Variants in NDUFAF5 observed in about 807,000 individuals in gnomAD.
NDUFAF5 encodes arginine-hydroxylase NDUFAF5, mitochondrial.
Under a neutral mutation model 48.9 loss-of-function variants are expected in NDUFAF5, and 34 were observed. The observed-to-expected ratio is 0.70, with a 90% CI of 0.53 to 0.93. NDUFAF5 has a LOEUF of 0.93. Among genes scored for constraint, NDUFAF5 ranks in the 40% least tolerant of loss-of-function variants. The pLI, the probability that NDUFAF5 is intolerant of heterozygous loss-of-function variation, is 0.00. For synonymous variants in NDUFAF5, 153 were observed against 150.6 expected, an observed-to-expected ratio of 1.02 and a Z score of -0.12; for missense variants, 428 against 427.5, an observed-to-expected ratio of 1.00 and a Z score of -0.01.
intron 5 of NDUFAF5, among the ~76,000 whole-genome samples, chr20:13,795,825 A>G (rs1983117090): frequency 6.6e-6 from 1 of 152,126 alleles, no homozygotes; most frequent in Admixed American, 6.5e-5. Context: ...TCTCAAAATA[A>G]TAATAATTCT....
intron 3 of NDUFAF5, among the ~76,000 whole-genome samples, chr20:13,789,918 A>C (rs923712757): frequency 6.6e-6 from 1 of 152,200 alleles, no homozygotes; most frequent in African/African-American, 2.4e-5. Context: ...ATTAAAGTGC[A>C]ACAGGAATTA....
At chr20:13,785,412 T>G in intron 1 of NDUFAF5, 122 bp downstream of exon 1, 1 of 801,632 alleles carries the variant, frequency 1.2e-6, no homozygotes. Context: ...CCAGCAGCCC[T>G]GCCTCTTTCG....
At chr20:13,812,977 TCTCA>T (rs1986052972) in intron 8 of NDUFAF5, 1 of 152,234 alleles carries the variant, frequency 6.6e-6, no homozygotes. Context: ...TCAGATGGAG[TCTCA>T]CTCTGTCGCC....
intron 7 of NDUFAF5, among the ~76,000 whole-genome samples, chr20:13,802,595 G>A (rs1237900954): frequency 1.3e-5 from 2 of 151,398 alleles, no homozygotes; most frequent in Non-Finnish European, 1.5e-5. Flanking sequence ...GCTTGAACCC[G>A]GGAGGCGGAG....
intron 1 of NDUFAF5, among the ~76,000 whole-genome samples, chr20:13,785,622 T>G (rs1366624687): frequency 2.0e-5 from 3 of 151,892 alleles, no homozygotes; most frequent in African/African-American, 7.3e-5. Context: ...GGACTTGGGG[T>G]TTTCTTCTGT....
Position 13,819,790 on chromosome 20 carries a change from C to G in NDUFAF5, c.*2580C>G, listed in dbSNP as rs1455922111. On this transcript the variant is annotated 3_prime_UTR_variant, in exon 11 of 11. Coordinates refer to ENST00000378106, the MANE Select transcript of NDUFAF5 (RefSeq NM_024120.5). ...TGTGTCTTTTCCAGCACTTTTCTTA[C>G]TTGCTGTCAGTTGTCAATCTCAACA... 1 of 152,240 alleles carries G rather than the reference C, an allele frequency of 6.6e-6. No homozygotes were observed. Among genetic ancestry groups the G allele is most frequent in the East Asian group, 1.9e-4 (1 of 5,198 alleles). 9.4% of individuals were successfully genotyped at this position (152,240 alleles called of 1,614,324 possible). A position where few individuals can be genotyped will look rare whatever the true frequency, so the allele number is the denominator to read the frequency against.
In NDUFAF5 at chr20:13,820,899, T is replaced by C. The variant is rs553003504; in HGVS notation, c.*3689T>C. 4 of 152,322 alleles carry C rather than the reference T, an allele frequency of 2.6e-5. No homozygotes were observed. The highest frequency in any genetic ancestry group is 9.6e-5 in the African/African-American group (4 of 41,580). 9.4% of individuals were successfully genotyped at this position (152,322 alleles called of 1,614,324 possible). A position where few individuals can be genotyped will look rare whatever the true frequency, so the allele number is the denominator to read the frequency against. ...TAGCCTCTCTTGCTTAAGAAATATT[T>C]TGAGCTTTTTTGGGGAGGGGTTGTG... On this transcript the variant is annotated 3_prime_UTR_variant, in exon 11 of 11. Coordinates refer to ENST00000378106, the MANE Select transcript of NDUFAF5 (RefSeq NM_024120.5).
Position 13,785,190 on chromosome 20 carries a change from C to T in NDUFAF5, c.122C>T (p.Pro41Leu), listed in dbSNP as rs369539700. The T allele has an allele frequency of 6.2e-6, 10 of 1,613,834 alleles. No individual in the cohort carries two copies. The highest frequency in any genetic ancestry group is 1.3e-5 in the African/African-American group (1 of 75,046). ...SGVSPRGSTS[P>L]RTLNIFDRDL... is the part of the protein sequence containing the mutation. Reference sequence around the variant, plus strand: ...GTCTCTCCCCGCGGTAGCACCTCGCCCAGAACCCTGAATATTTTCGACCGG... The same window carrying T: ...GTCTCTCCCCGCGGTAGCACCTCGCTCAGAACCCTGAATATTTTCGACCGG... The change falls in exon 1 of 11, where the codon CCC becomes CTC. Residue 41 changes from proline to leucine, a missense_variant. Coordinates refer to ENST00000378106, the MANE Select transcript of NDUFAF5 (RefSeq NM_024120.5).
Position 13,791,532 on chromosome 20 carries a change from T to G in NDUFAF5, c.328-1648T>G, listed in dbSNP as rs186650335. 7.2e-5 allele frequency among the ~76,000 whole-genome samples: 11 copies of G among 152,212 alleles called. No homozygotes were observed. In the East Asian group the frequency reaches 2.1e-3, roughly 29 times the overall value. On this transcript the variant is annotated intron_variant, in intron 3 of 10. Transcript: ENST00000378106. Reference sequence around the variant, plus strand: ...GAACCTTCTGCAATTGTACTTAGGGTTGGGAGAAAGAGGAAGAGCCAATAA... The same window carrying G: ...GAACCTTCTGCAATTGTACTTAGGGGTGGGAGAAAGAGGAAGAGCCAATAA...
At chr20:13,787,160 T>C in intron 1 of NDUFAF5, 152 bp from the exon 2 acceptor site, 1 of 829,194 alleles carries the variant, frequency 1.2e-6, no homozygotes, top group Non-Finnish European at 2.1e-6. Context: ...CAATTTTGTT[T>C]CCTGGTGGTT....
At chr20:13,801,817 G>A (rs1984203059) in intron 7 of NDUFAF5, 134 bp downstream of exon 7, 1 of 711,756 alleles carries the variant, frequency 1.4e-6, no homozygotes, top group African/African-American at 1.8e-5. Flanking sequence ...CTCTTTTTAA[G>A]GGAAAAGCTC....
In NDUFAF5 at chr20:13,816,862, A is replaced by G; in HGVS notation, c.863-13A>G. On this transcript the variant is annotated splice_polypyrimidine_tract_variant and intron_variant, in intron 9 of 10. Coordinates refer to ENST00000378106, the MANE Select transcript of NDUFAF5 (RefSeq NM_024120.5). ...TGCATTTTTTCAGACTTTAACCATT[A>G]TTGTCTTTTTAGAAATGTACAGAAA... 2 of 1,577,832 alleles carry G rather than the reference A, an allele frequency of 1.3e-6. No homozygotes were observed. Among genetic ancestry groups the G allele is most frequent in the Non-Finnish European group, 1.7e-6 (2 of 1,147,252 alleles).
intron 6 of NDUFAF5, 33 bp downstream of exon 6, chr20:13,798,533 T>C (rs201934432): frequency 5.0e-5 from 76 of 1,512,888 alleles, no homozygotes; most frequent in Non-Finnish European, 6.1e-5. Flanking sequence ...AACTATCTTG[T>C]GTTATTTTCT....
intron 10 of NDUFAF5, 60 bp downstream of exon 10, chr20:13,817,017 T>G (rs567960126): frequency 6.5e-7 from 1 of 1,540,350 alleles, no homozygotes; most frequent in East Asian, 2.2e-5. Context: ...TATTGTTTAC[T>G]AACTTGGGGG....
intron 3 of NDUFAF5, among the ~76,000 whole-genome samples, chr20:13,790,271 A>G (rs1982058066): frequency 6.6e-6 from 1 of 152,204 alleles, no homozygotes; most frequent in South Asian, 2.1e-4. Context: ...GAGACCTGGA[A>G]GTATCAACAG....
rs370702921 is a variant in NDUFAF5, at chr20:13,810,148, G to A, written c.778+1246G>A. ...GTTGTGAATAGGTGGCATTCAAAGC[G>A]TTTGCCTAGGATAAGAACATGGAGT... is the stretch of plus-strand genomic sequence containing the variant. On this transcript the variant is annotated intron_variant, in intron 8 of 10. Coordinates refer to ENST00000378106, the MANE Select transcript of NDUFAF5 (RefSeq NM_024120.5). Among the ~76,000 whole-genome samples the A allele has an allele frequency of 4.6e-5, 7 of 152,284 alleles. No homozygotes were observed. The East Asian group carries it at 9.6e-4, about 21-fold the overall frequency.
chr20:13,791,307 T>C (rs1411787064), intron 3 of NDUFAF5, among the ~76,000 whole-genome samples: 1 of 152,236 alleles, frequency 6.6e-6, no homozygotes, highest in Non-Finnish European at 1.5e-5. Flanking sequence ...TACTCAGACC[T>C]TGGGCCAATC....
At position 13,816,285 on chromosome 20, in the gene NDUFAF5, G is replaced by T. The variant is rs1055228561; in HGVS notation, c.779-178G>T. The T allele has an allele frequency of 4.5e-6, 3 of 668,428 alleles. No individual in the cohort carries two copies. The Admixed American group carries it at 6.3e-5, about 14-fold the overall frequency. 41.4% of individuals were successfully genotyped at this position (668,428 alleles called of 1,614,324 possible). On this transcript the variant is annotated intron_variant, in intron 8 of 10. Coordinates refer to ENST00000378106, the MANE Select transcript of NDUFAF5 (RefSeq NM_024120.5). ...TGTTGAAAAAGTTTCAAGTAGTTTC[G>T]CTTTAGAGTCACTAAGAAACCCAGT...
chr20:13,806,768 A>G (rs1338477767), intron 7 of NDUFAF5, among the ~76,000 whole-genome samples: 3 of 152,234 alleles, frequency 2.0e-5, no homozygotes, highest in Non-Finnish European at 4.4e-5. Flanking sequence ...ATGAATGTTC[A>G]TGGTCTCACT....
Sources: allele counts gnomAD v4.1 joint callset (sites outside exome capture counted in the v4.1 genomes callset), GRCh38; gene constraint gnomAD v4.1.1; transcripts MANE v1.5; gene names NCBI Gene and HGNC (gene_info 2026-07-23, HGNC 2026-07-21).